Variants in ARF3 observed in about 807,000 individuals in gnomAD.
The protein encoded by ARF3 is ARF GTPase 3, also known as ADP-ribosylation factor 3.
In ARF3, 5 loss-of-function variants were observed where a neutral mutation model predicts 19.3. The observed-to-expected ratio is 0.26, with a 90% CI of 0.14 to 0.54. The LOEUF (loss-of-function observed/expected upper bound fraction) is 0.54, where lower values mean the gene tolerates loss of function less well. Among genes scored for constraint, ARF3 ranks in the 20% least tolerant of loss-of-function variants. ARF3 has a pLI of 0.95. For missense variants in ARF3, 77 were observed against 234.2 expected (o/e 0.33, Z 4.38); for synonymous variants, 71 against 89.2 (o/e 0.80, Z 1.15).
At chr12:48,956,675 C>T (rs1690177) in intron 1 of ARF3, 76,145 of 152,166 alleles carry the variant, frequency 0.5, 19,403 homozygotes, top group South Asian at 0.74. Flanking sequence ...TCCCCCTCCT[C>T]CTTCTCCTGC....
At chr12:48,949,473 C>A (rs1475350968) in intron 1 of ARF3, among the ~76,000 whole-genome samples, 1 of 152,168 alleles carries the variant, frequency 6.6e-6, no homozygotes, top group African/African-American at 2.4e-5. Flanking sequence ...GATCCACCCA[C>A]CTCGGCCTCC....
chr12:48,943,723 A>G (rs778959894), intron 1 of ARF3, among the ~76,000 whole-genome samples: 3 of 152,198 alleles, frequency 2.0e-5, no homozygotes, highest in Non-Finnish European at 4.4e-5. Flanking sequence ...AGAAACAATG[A>G]GTGCTTATGA....
chr12:48,940,221 G>A (rs1448794527), intron 2 of ARF3, 114 bp from the exon 3 acceptor site: 1 of 843,066 alleles, frequency 1.2e-6, no homozygotes, highest in East Asian at 2.5e-5. Context: ...ACCAACAATG[G>A]AACAAAAGCT....
chr12:48,955,736 C>A (rs1042904664), intron 1 of ARF3: 1 of 152,154 alleles, frequency 6.6e-6, no homozygotes, highest in Non-Finnish European at 1.5e-5. Flanking sequence ...AAATCCAGTT[C>A]CTGCAGTCGA....
intron 1 of ARF3, among the ~76,000 whole-genome samples, chr12:48,945,671 C>T (rs565131251): frequency 5.3e-5 from 8 of 151,960 alleles, no homozygotes; most frequent in South Asian, 4.2e-4. Flanking sequence ...TGCAGTGAGC[C>T]GAGATCACGC....
At chr12:48,951,918 A>G (rs1940479448) in intron 1 of ARF3, among the ~76,000 whole-genome samples, 1 of 151,858 alleles carries the variant, frequency 6.6e-6, no homozygotes, top group African/African-American at 2.4e-5. Flanking sequence ...ATAAATAAAT[A>G]AAATAGCGGG....
intron 1 of ARF3, 92 bp from the exon 2 acceptor site, chr12:48,941,280 C>T: frequency 7.5e-6 from 5 of 666,332 alleles, no homozygotes; most frequent in Non-Finnish European, 9.7e-6. Context: ...AGAGTTCATT[C>T]ATGACAAACG....
At chr12:48,942,374 C>A (rs1940275160) in intron 1 of ARF3, among the ~76,000 whole-genome samples, 1 of 152,152 alleles carries the variant, frequency 6.6e-6, no homozygotes, top group African/African-American at 2.4e-5. Flanking sequence ...AGCCACCATG[C>A]CTGGCCCAAA....
At position 48,935,993 on chromosome 12, in the gene ARF3, G is replaced by T. The variant is rs924207769; in HGVS notation, c.*2954C>A. Reference sequence around the variant, plus strand: ...ACACTCTGATGCCCAATTCATTTGGGCTCCCCCGCCGCGGGGTATGATGGG... The same window carrying T: ...ACACTCTGATGCCCAATTCATTTGGTCTCCCCCGCCGCGGGGTATGATGGG... On this transcript the variant is annotated 3_prime_UTR_variant, in exon 5 of 5. Coordinates refer to ENST00000256682, the MANE Select transcript of ARF3 (RefSeq NM_001659.3). 7.9e-5 allele frequency: 12 copies of T among 152,242 alleles called. No homozygotes were observed. The highest frequency in any genetic ancestry group is 7.2e-4 in the Admixed American group (11 of 15,288). 9.4% of individuals were successfully genotyped at this position (152,242 alleles called of 1,614,324 possible).
At chr12:48,940,907 AGCT>A in intron 2 of ARF3, 38 bp downstream of exon 2, 1 of 1,522,566 alleles carries the variant, frequency 6.6e-7, no homozygotes, top group South Asian at 1.3e-5. Flanking sequence ...GCCCTGCCTC[AGCT>A]GCCGGCGTGA....
At chr12:48,950,853 T>C (rs935401069) in intron 1 of ARF3, among the ~76,000 whole-genome samples, 1 of 151,996 alleles carries the variant, frequency 6.6e-6, no homozygotes, top group African/African-American at 2.4e-5. Context: ...TGGCGCAATC[T>C]CGGCTCACTG....
Position 48,939,086 on chromosome 12 carries a change from G to T in ARF3, c.407C>A (p.Ala136Asp). Residue 136 changes from alanine (A) to aspartate (D), a missense_variant, in exon 5 of 5, where the codon GCT becomes GAT. Transcript: ENST00000256682. This position sits in a 1 kb window ranked among gnomAD's most constrained non-coding sequence, Gnocchi z 4.8. ...NKQDLPNAMN[A>D]AEITDKLGLH... is the part of the protein sequence containing the mutation. ...GCCCAGCTTGTCTGTGATCTCAGCA[G>T]CGTTCATAGCATTAGGCAGATCCTG... 6.2e-7 allele frequency: 1 copy of T among 1,614,176 alleles called. No individual in the cohort carries two copies. The highest frequency in any genetic ancestry group is 8.5e-7 in the Non-Finnish European group (1 of 1,180,024).
rs986752821 is a variant in ARF3 at position 48,938,117 on chromosome 12, C to T, written c.*830G>A. On this transcript the variant is annotated 3_prime_UTR_variant, in exon 5 of 5. Coordinates refer to ENST00000256682, the MANE Select transcript of ARF3 (RefSeq NM_001659.3). ...AGTGAGTGGGTTCCTCTCTCCTTCCCAACAGTAAGGCAGAGCAGAGTGGCA... is the reference window on the plus strand; with the variant it reads ...AGTGAGTGGGTTCCTCTCTCCTTCCTAACAGTAAGGCAGAGCAGAGTGGCA... 2.9e-5 allele frequency: 9 copies of T among 311,950 alleles called. No individual in the cohort carries two copies. Among genetic ancestry groups the T allele is most frequent in the Non-Finnish European group, 5.8e-5 (9 of 155,660 alleles). The allele number at this position is 311,950 out of a possible 1,614,324, so 19.3% of individuals were successfully genotyped here. A position where few individuals can be genotyped will look rare whatever the true frequency, so the allele number is the denominator to read the frequency against.
intron 1 of ARF3, among the ~76,000 whole-genome samples, chr12:48,946,305 T>C (rs1363212052): frequency 6.6e-6 from 1 of 152,134 alleles, no homozygotes; most frequent in Non-Finnish European, 1.5e-5. Context: ...TCACAATACA[T>C]TCCTAAAAAA....
In ARF3 at chr12:48,940,942, T is replaced by C. The variant is rs757355775; in HGVS notation, c.148+6A>G. On this transcript the variant is annotated splice_donor_region_variant and intron_variant, in intron 2 of 4. Transcript: ENST00000256682. ...GTGAAAGCCCACATCCAAGCTGTGC[T>C]CTTACCAATGGTAGGGATGGTGGTG... 22 of 1,596,642 alleles carry C rather than the reference T, an allele frequency of 1.4e-5. No individual in the cohort carries two copies. Among genetic ancestry groups the C allele is most frequent in the Non-Finnish European group, 1.7e-6 (2 of 1,169,954 alleles).
rs983476334 is a variant in ARF3, at chr12:48,936,652, A to G, written c.*2295T>C. On this transcript the variant is annotated 3_prime_UTR_variant, in exon 5 of 5. Coordinates refer to ENST00000256682, the MANE Select transcript of ARF3 (RefSeq NM_001659.3). ...CCCAGATTGGTCCCTGGAGCCCCCA[A>G]AAAAACAAGGTGAGGGGTGAGGCCT... is the stretch of plus-strand genomic sequence containing the variant. 6.6e-6 allele frequency: 1 copy of G among 152,544 alleles called. No individual in the cohort carries two copies. The highest frequency in any genetic ancestry group is 2.4e-5 in the African/African-American group (1 of 41,424). 9.4% of individuals were successfully genotyped at this position (152,544 alleles called of 1,614,324 possible).
At chr12:48,945,504 C>T (rs987989717) in intron 1 of ARF3, among the ~76,000 whole-genome samples, 1 of 151,528 alleles carries the variant, frequency 6.6e-6, no homozygotes, top group Non-Finnish European at 1.5e-5. Flanking sequence ...GAGGTTGCAG[C>T]GAGTCGATAT....
intron 1 of ARF3, chr12:48,956,553 A>G (rs1037847224): frequency 1.3e-5 from 2 of 152,142 alleles, no homozygotes; most frequent in African/African-American, 2.4e-5. Context: ...AAGAAAGCGG[A>G]TTGGAAGACA....
chr12:48,941,932 G>C (rs1261465753), intron 1 of ARF3, among the ~76,000 whole-genome samples: 1 of 152,172 alleles, frequency 6.6e-6, no homozygotes, highest in Non-Finnish European at 1.5e-5. Context: ...CCCATCCAAG[G>C]AGGGGGCTGT....
Sources: allele counts gnomAD v4.1 joint callset (sites outside exome capture counted in the v4.1 genomes callset), GRCh38; gene constraint gnomAD v4.1.1; non-coding constraint Gnocchi (gnomAD v3.1); transcripts MANE v1.5; gene names NCBI Gene and HGNC (gene_info 2026-07-23, HGNC 2026-07-21).